NCAM2: variants seen among roughly 807,000 people sequenced by gnomAD.
The protein encoded by NCAM2 is N-CAM-2.
In NCAM2, 30 loss-of-function variants were observed where a neutral mutation model predicts 98.1. The observed-to-expected ratio is 0.31, with a 90% CI of 0.23 to 0.41. The LOEUF (loss-of-function observed/expected upper bound fraction) is 0.41, where lower values mean the gene tolerates loss of function less well. NCAM2 is among the 10% of genes least tolerant of loss of function. NCAM2 has a pLI of 1.00. For synonymous variants in NCAM2, 368 were observed against 342.4 expected, an observed-to-expected ratio of 1.07 and a Z score of -0.83; for missense variants, 867 against 1,005.8, an observed-to-expected ratio of 0.86 and a Z score of 1.87.
At chr21:21,279,552 T>C (rs916053934) in intron 1 of NCAM2, among the ~76,000 whole-genome samples, 4 of 151,982 alleles carry the variant, frequency 2.6e-5, no homozygotes, top group African/African-American at 9.7e-5. Flanking sequence ...AGAGACGGGG[T>C]TTCACCATGT....
At chr21:21,309,570 C>T (rs912367446) in intron 5 of NCAM2, among the ~76,000 whole-genome samples, 4 of 152,184 alleles carry the variant, frequency 2.6e-5, no homozygotes, top group Non-Finnish European at 4.4e-5. Context: ...TCCCTGGCCT[C>T]AGTTACTTTC....
chr21:21,308,068 C>CAT (rs111478044), intron 5 of NCAM2, among the ~76,000 whole-genome samples: 1 of 55,750 alleles, frequency 1.8e-5, no homozygotes, highest in African/African-American at 8.4e-5. Flanking sequence ...TGCATACACA[C>CAT]ATACACACAC....
At chr21:21,417,669 C>A (rs2077020547) in intron 10 of NCAM2, among the ~76,000 whole-genome samples, 1 of 151,996 alleles carries the variant, frequency 6.6e-6, no homozygotes, top group Admixed American at 6.6e-5. Context: ...GGGTTTGTCT[C>A]AGTGTTCACC....
At chr21:21,404,657 T>A (rs1032738598) in intron 9 of NCAM2, among the ~76,000 whole-genome samples, 2 of 152,024 alleles carry the variant, frequency 1.3e-5, no homozygotes, top group Non-Finnish European at 2.9e-5. Context: ...ATAGTATGTA[T>A]GTGTATATAC....
Position 21,508,709 on chromosome 21 carries a change from A to G in NCAM2, c.2078-142A>G, listed in dbSNP as rs79153982. 2.7e-3 allele frequency: 1,698 copies of G among 622,810 alleles called. 21 individuals carry two copies. The African/African-American group carries it at 0.03, about 11-fold the overall frequency. 38.6% of individuals were successfully genotyped at this position (622,810 alleles called of 1,614,324 possible). ...ATGAAATTGAATTCTGCCGGTTACT[A>G]TGACTTTATTCTGTCTCTTAAATTG... is the stretch of plus-strand genomic sequence containing the variant. On this transcript the variant is annotated intron_variant, in intron 15 of 17. Coordinates refer to ENST00000400546, the MANE Select transcript of NCAM2 (RefSeq NM_004540.5).
intron 1 of NCAM2, among the ~76,000 whole-genome samples, chr21:21,093,642 GATT>G (rs1248188914): frequency 6.6e-6 from 1 of 151,926 alleles, no homozygotes. Context: ...TTGCAGGTGT[GATT>G]ATACCAGATT....
At chr21:21,341,684 A>C (rs1438831685) in intron 8 of NCAM2, among the ~76,000 whole-genome samples, 1 of 150,424 alleles carries the variant, frequency 6.6e-6, no homozygotes, top group African/African-American at 2.4e-5. Context: ...TTTTTCAGAG[A>C]GGAGGGTCTC....
chr21:21,077,738 A>G (rs1601297880), intron 1 of NCAM2, among the ~76,000 whole-genome samples: 1 of 152,322 alleles, frequency 6.6e-6, no homozygotes, highest in East Asian at 1.9e-4. Context: ...CATTAGAAAC[A>G]GTTTCAGATG....
intron 1 of NCAM2, among the ~76,000 whole-genome samples, chr21:21,198,608 C>T (rs1487261309): frequency 6.6e-6 from 1 of 152,164 alleles, no homozygotes; most frequent in Non-Finnish European, 1.5e-5. Flanking sequence ...CTCTTGTCCT[C>T]AAGATTCACT....
rs1279105992 is a variant in NCAM2, at chr21:21,206,751, T to A, written c.56-73827T>A. Among the ~76,000 whole-genome samples, 10 of 152,256 alleles carry A rather than the reference T, an allele frequency of 6.6e-5. 1 individual carries two copies. In the South Asian group the frequency reaches 1.2e-3, roughly 19 times the overall value. On this transcript the variant is annotated intron_variant, in intron 1 of 17. Coordinates refer to ENST00000400546, the MANE Select transcript of NCAM2 (RefSeq NM_004540.5). ...TACCTTAGTTCTTTGGTATAGAAAT[T>A]GGAGAAAATGTAACTATTTTTGTAA... is the stretch of plus-strand genomic sequence containing the variant.
In NCAM2 at chr21:21,016,433, AAT is replaced by A. The variant is rs1303194159; in HGVS notation, c.55+17816_55+17817del. Among the ~76,000 whole-genome samples, 33 of 32,494 alleles carry A rather than the reference AAT, an allele frequency of 1.0e-3. No individual in the cohort carries two copies. The South Asian group carries it at 0.023, about 23-fold the overall frequency. The allele number at this position is 32,494 out of a possible 152,430, so 21.3% of individuals were successfully genotyped here. ...TATGATTCTCCAAACTTTTGAGATT[AAT>A]TATCTTTTATAAATGAGGTAATGAG... On this transcript the variant is annotated intron_variant, in intron 1 of 17. Coordinates refer to ENST00000400546, the MANE Select transcript of NCAM2 (RefSeq NM_004540.5).
chr21:21,225,275 A>G (rs964322807), intron 1 of NCAM2, among the ~76,000 whole-genome samples: 1 of 152,076 alleles, frequency 6.6e-6, no homozygotes, highest in Non-Finnish European at 1.5e-5. Flanking sequence ...GAGGGAGAGC[A>G]TTAGGAAAGA....
At chr21:21,440,646 A>C (rs1417270194) in intron 12 of NCAM2, among the ~76,000 whole-genome samples, 1 of 151,912 alleles carries the variant, frequency 6.6e-6, no homozygotes, top group South Asian at 2.1e-4. Context: ...GCAGCACGGC[A>C]CTCCAGCCTG....
chr21:21,095,843 C>A (rs1165980484), intron 1 of NCAM2, among the ~76,000 whole-genome samples: 3 of 151,606 alleles, frequency 2.0e-5, no homozygotes, highest in African/African-American at 7.2e-5. Context: ...TTTTATTTAT[C>A]TCCCTTTATA....
chr21:21,482,494 T>C (rs1985979390), intron 15 of NCAM2, among the ~76,000 whole-genome samples: 2 of 152,020 alleles, frequency 1.3e-5, no homozygotes, highest in Non-Finnish European at 2.9e-5. Context: ...ATTTCATGCA[T>C]TGTAGACTGT....
intron 1 of NCAM2, among the ~76,000 whole-genome samples, chr21:21,054,670 G>T (rs536424341): frequency 8.6e-5 from 13 of 151,982 alleles, no homozygotes; most frequent in East Asian, 1.9e-4. Context: ...TGCTAGAAAA[G>T]AAATGAATTA....
At chr21:21,258,499 G>C (rs1363755545) in intron 1 of NCAM2, among the ~76,000 whole-genome samples, 1 of 152,092 alleles carries the variant, frequency 6.6e-6, no homozygotes, top group Non-Finnish European at 1.5e-5. Flanking sequence ...AGGGTAAGTG[G>C]GAGAGCTTCT....
chr21:21,006,655 T>G (rs1421340347), intron 1 of NCAM2, among the ~76,000 whole-genome samples: 2 of 152,188 alleles, frequency 1.3e-5, no homozygotes, highest in Non-Finnish European at 2.9e-5. Flanking sequence ...AAAATCAACT[T>G]AAGGCCCTTC....
intron 15 of NCAM2, among the ~76,000 whole-genome samples, chr21:21,507,037 A>AC (rs1555909634): frequency 2.0e-5 from 3 of 149,740 alleles, no homozygotes; most frequent in Non-Finnish European, 4.5e-5. Context: ...AAATTGAATG[A>AC]TTTTTTTTTT....
Sources: gnomAD v4.1 joint callset for allele counts (sites outside exome capture counted in the v4.1 genomes callset) on GRCh38, gnomAD v4.1.1 for gene constraint, MANE v1.5 for transcripts, NCBI Gene and HGNC (gene_info 2026-07-23, HGNC 2026-07-21) for gene names.